CILK1: variants seen among roughly 807,000 people sequenced by gnomAD.
CILK1 encodes the protein serine/threonine-protein kinase ICK.
Under a neutral mutation model 79.2 loss-of-function variants are expected in CILK1, and 47 were observed. The ratio of observed to expected loss-of-function variants is 0.59; its 90% CI spans 0.47 to 0.76. CILK1 has a LOEUF of 0.76. Ranked by LOEUF, CILK1 falls within the 30% of genes least tolerant of loss-of-function variation. The probability of loss-of-function intolerance (pLI) is 0.00; values close to 1 mark genes in which losing one functional copy is unlikely to be tolerated. For synonymous variants in CILK1, 266 were observed against 275.9 expected (o/e 0.96, Z 0.36); for missense variants, 660 against 769.5 (o/e 0.86, Z 1.68).
At chr6:53,032,946 C>T (rs1156357560) in intron 3 of CILK1, among the ~76,000 whole-genome samples, 2 of 152,114 alleles carry the variant, frequency 1.3e-5, no homozygotes, top group Non-Finnish European at 2.9e-5. Flanking sequence ...TTGGGCCCAC[C>T]CCCTCCAGAT....
intron 5 of CILK1, among the ~76,000 whole-genome samples, chr6:53,019,681 A>G (rs937579574): frequency 1.3e-5 from 2 of 152,180 alleles, no homozygotes; most frequent in African/African-American, 2.4e-5. Context: ...AGGGAAAAAT[A>G]TCACTGACGG....
chr6:53,028,436 C>A (rs1195398550), intron 5 of CILK1, among the ~76,000 whole-genome samples: 1 of 152,212 alleles, frequency 6.6e-6, no homozygotes, highest in Non-Finnish European at 1.5e-5. Flanking sequence ...CTGAACTAAT[C>A]TCCACTCAAC....
chr6:53,006,206 C>A, intron 13 of CILK1, 109 bp downstream of exon 13: 2 of 1,014,286 alleles, frequency 2.0e-6, no homozygotes, highest in South Asian at 1.3e-5. Flanking sequence ...CTGTAGAGTG[C>A]AAGTTTCATT....
intron 1 of CILK1, among the ~76,000 whole-genome samples, chr6:53,054,105 G>C (rs991462640): frequency 6.6e-6 from 1 of 152,130 alleles, no homozygotes; most frequent in Admixed American, 6.5e-5. Context: ...TCTTTCAAGA[G>C]ATGCACAAGT....
At chr6:53,052,096 C>CTT (rs1264583032) in intron 1 of CILK1, 1 of 152,128 alleles carries the variant, frequency 6.6e-6, no homozygotes. Context: ...TGTTCCCCTC[C>CTT]CTGTGTCCAT....
At chr6:53,060,261 A>T (rs1022055880) in intron 1 of CILK1, among the ~76,000 whole-genome samples, 14 of 152,198 alleles carry the variant, frequency 9.2e-5, no homozygotes, top group African/African-American at 3.4e-4. Flanking sequence ...TTCAGTGAAA[A>T]GGCCTTTTCT....
At position 53,009,447 on chromosome 6, in the gene CILK1, A is replaced by G; in HGVS notation, c.1613T>C (p.Val538Ala). ...SSGTMSVISK[V>A]NSVGSSSTSS... is the part of the protein sequence containing the mutation. ...TAATGATCATTACTCACCTGAATTT[A>G]CTTTGCTGATTACTGACATTGTCCC... is the stretch of plus-strand genomic sequence containing the variant. Residue 538 changes from valine to alanine, a missense_variant, in exon 12 of 14, where the codon GTA (valine) becomes GCA (alanine). Transcript: ENST00000676107. The G allele has an allele frequency of 6.2e-7, 1 of 1,614,122 alleles. No homozygotes were observed. The highest frequency in any genetic ancestry group is 8.5e-7 in the Non-Finnish European group (1 of 1,179,968).
In CILK1 at chr6:53,011,624, A is replaced by C. The variant is rs1216037611; in HGVS notation, c.1492+145T>G. ...AAAAAAAAAGTGAGGCTTGGGCTTC[A>C]GCAAATATTTCTATGATGTTCCCCT... is the stretch of plus-strand genomic sequence containing the variant. On this transcript the variant is annotated intron_variant, in intron 11 of 13. Coordinates refer to ENST00000676107, the MANE Select transcript of CILK1 (RefSeq NM_014920.5). 1.0e-4 allele frequency: 90 copies of C among 868,212 alleles called. No individual in the cohort carries two copies. The Admixed American group carries it at 1.6e-3, about 15-fold the overall frequency. 53.8% of individuals were successfully genotyped at this position (868,212 alleles called of 1,614,324 possible).
intron 5 of CILK1, among the ~76,000 whole-genome samples, chr6:53,025,408 TCA>T (rs558659660): frequency 2.9e-4 from 44 of 152,310 alleles, no homozygotes; most frequent in African/African-American, 1.0e-3. Flanking sequence ...AGTATCGTGC[TCA>T]CACTCCAGAC....
At chr6:53,052,830 T>TA (rs1355393818) in intron 1 of CILK1, among the ~76,000 whole-genome samples, 3 of 152,040 alleles carry the variant, frequency 2.0e-5, no homozygotes, top group African/African-American at 7.2e-5. Flanking sequence ...CTGGGGTCCT[T>TA]AGCCCTTCAC....
rs754158707 is a variant in CILK1, at chr6:53,016,149, A to C, written c.765T>G (p.Ser255Arg). ...NLKTLIPNAS[S>R]EAVQLLRDML... is the part of the protein sequence containing the mutation. ...TGTCTCTCAGGAGCTGGACTGCTTC[A>C]CTGCTAGCATTGGGAATCAAGGTCT... Residue 255 changes from serine (S) to arginine (R), a missense_variant, in exon 8 of 14, where the codon AGT (serine) becomes AGG (arginine). Physicochemically the swap from Ser to Arg is moderately radical, Grantham distance 110 (BLOSUM62 -1). Coordinates refer to ENST00000676107, the MANE Select transcript of CILK1 (RefSeq NM_014920.5). 7.4e-6 allele frequency: 12 copies of C among 1,614,044 alleles called. No homozygotes were observed. The Admixed American group carries it at 2.0e-4, about 27-fold the overall frequency.
Position 53,001,643 on chromosome 6 carries a change from T to C in CILK1, c.*3506A>G, listed in dbSNP as rs1462371058. On this transcript the variant is annotated 3_prime_UTR_variant, in exon 14 of 14. Coordinates refer to ENST00000676107, the MANE Select transcript of CILK1 (RefSeq NM_014920.5). ...GATTAATGTGATATTTACCTCTAGT[T>C]TGTTTTCCTAATGGCTTCCATGAGA... 2.0e-5 allele frequency: 3 copies of C among 152,650 alleles called. No individual in the cohort carries two copies. Among genetic ancestry groups the C allele is most frequent in the Non-Finnish European group, 4.4e-5 (3 of 68,044 alleles). 9.5% of individuals were successfully genotyped at this position (152,650 alleles called of 1,614,324 possible).
intron 11 of CILK1, among the ~76,000 whole-genome samples, chr6:53,011,211 C>T (rs1005358415): frequency 1.3e-5 from 2 of 152,112 alleles, no homozygotes; most frequent in Non-Finnish European, 2.9e-5. Context: ...CTCAGACATG[C>T]CGCCCAGCTT....
intron 11 of CILK1, 117 bp downstream of exon 11, chr6:53,011,652 G>C: frequency 4.0e-6 from 4 of 1,009,860 alleles, no homozygotes; most frequent in South Asian, 3.8e-5. Context: ...GTTCCCCTCA[G>C]TTCTGAAGGG....
At chr6:53,057,112 C>A (rs1198417102) in intron 1 of CILK1, among the ~76,000 whole-genome samples, 2 of 152,150 alleles carry the variant, frequency 1.3e-5, no homozygotes, top group Non-Finnish European at 2.9e-5. Flanking sequence ...TTTTGGGAAC[C>A]ACAAGTTCAT....
At chr6:53,051,283 C>T (rs1429255335) in intron 1 of CILK1, among the ~76,000 whole-genome samples, 1 of 152,164 alleles carries the variant, frequency 6.6e-6, no homozygotes, top group Admixed American at 6.5e-5. Context: ...TTAAACTATA[C>T]AAAGTTTTCC....
rs1316515278 is a variant in CILK1, at chr6:53,061,725, C to G, written c.-302G>C. ...GCTAGGACCGGCCGAGGGCTCCGTA[C>G]AGGGACGCCCGCGAGGTCCGGCGAG... On this transcript the variant is annotated 5_prime_UTR_variant, in exon 1 of 14. Coordinates refer to ENST00000676107, the MANE Select transcript of CILK1 (RefSeq NM_014920.5). 3 of 152,266 alleles carry G rather than the reference C, an allele frequency of 2.0e-5. No individual in the cohort carries two copies. The highest frequency in any genetic ancestry group is 4.4e-5 in the Non-Finnish European group (3 of 68,072). 9.4% of individuals were successfully genotyped at this position (152,266 alleles called of 1,614,324 possible).
intron 9 of CILK1, 66 bp downstream of exon 9, chr6:53,013,596 C>T (rs1764712652): frequency 2.1e-6 from 3 of 1,460,274 alleles, no homozygotes; most frequent in Non-Finnish European, 1.9e-6. Context: ...AAATATTTCA[C>T]ACAATAATGG....
At chr6:53,027,720 AGGGGCTGGGTGCAGT>A (rs1765663981) in intron 5 of CILK1, among the ~76,000 whole-genome samples, 1 of 152,256 alleles carries the variant, frequency 6.6e-6, no homozygotes, top group African/African-American at 2.4e-5. Flanking sequence ...AAAATGGGAT[AGGGGCTGGGTGCAGT>A]GGCTCACTCC....
Sources: allele counts gnomAD v4.1 joint callset (sites outside exome capture counted in the v4.1 genomes callset), GRCh38; gene constraint gnomAD v4.1.1; transcripts MANE v1.5; gene names NCBI Gene and HGNC (gene_info 2026-07-23, HGNC 2026-07-21).